Variants in ZBBX observed in about 807,000 individuals in gnomAD.
ZBBX encodes the protein zinc finger B-box domain containing, also known as zinc finger B-box domain-containing protein 1.
A neutral mutation model predicts 108.5 loss-of-function variants in ZBBX; 101 were observed. The observed-to-expected ratio is 0.93, with a 90% CI of 0.79 to 1.10. The LOEUF (loss-of-function observed/expected upper bound fraction) is 1.10, where lower values mean the gene tolerates loss of function less well. ZBBX is among the 50% of genes least tolerant of loss of function. The pLI, the probability that ZBBX is intolerant of heterozygous loss-of-function variation, is 0.00. For synonymous variants in ZBBX, 356 were observed against 323.4 expected (o/e 1.10, Z -1.08); for missense variants, 1,009 against 941.4 (o/e 1.07, Z -0.94).
chr3:167,269,426 T>C (rs1412408826), intron 20 of ZBBX, among the ~76,000 whole-genome samples: 1 of 152,208 alleles, frequency 6.6e-6, no homozygotes, highest in Non-Finnish European at 1.5e-5. Flanking sequence ...AATGTTGAAG[T>C]TAGGCATAGT....
At chr3:167,270,544 G>T (rs1726338457) in intron 20 of ZBBX, among the ~76,000 whole-genome samples, 1 of 152,122 alleles carries the variant, frequency 6.6e-6, no homozygotes, top group South Asian at 2.1e-4. Flanking sequence ...GTGGCTATAG[G>T]AGTGCTTACC....
At chr3:167,262,979 T>G (rs556605107) in intron 20 of ZBBX, among the ~76,000 whole-genome samples, 1 of 152,126 alleles carries the variant, frequency 6.6e-6, no homozygotes, top group Admixed American at 6.5e-5. Context: ...TTCTGATCAT[T>G]AGTATTTCTT....
intron 14 of ZBBX, 28 bp downstream of exon 14, chr3:167,316,977 A>G: frequency 7.4e-7 from 1 of 1,348,278 alleles, no homozygotes. Context: ...AAAAATCATG[A>G]ATGGTCATTA....
intron 16 of ZBBX, among the ~76,000 whole-genome samples, chr3:167,313,426 C>A (rs576751128): frequency 1.3e-5 from 2 of 152,076 alleles, no homozygotes; most frequent in Non-Finnish European, 2.9e-5. Context: ...TAGGCACCTG[C>A]CACCATGCCA....
intron 13 of ZBBX, 142 bp from the exon 14 acceptor site, chr3:167,317,247 C>G (rs983913687): frequency 6.0e-5 from 40 of 663,210 alleles, no homozygotes; most frequent in Non-Finnish European, 9.5e-5. Context: ...TTTCCCAGTT[C>G]AAGTGAAATA....
upstream of ZBBX, among the ~76,000 whole-genome samples, chr3:167,381,551 C>A (rs1201413930): frequency 6.6e-6 from 1 of 152,108 alleles, no homozygotes; most frequent in Non-Finnish European, 1.5e-5. Flanking sequence ...ATAACTTTAC[C>A]ACGTCCTTCC....
the ZBBX span, among the ~76,000 whole-genome samples, chr3:167,227,038 C>T: frequency 6.6e-6 from 1 of 151,734 alleles, no homozygotes; most frequent in Non-Finnish European, 1.5e-5. Context: ...ACAATTTTAA[C>T]ATCACCCAGT....
intron 1 of ZBBX, among the ~76,000 whole-genome samples, chr3:167,394,396 A>G (rs916924530): frequency 2.0e-5 from 3 of 152,106 alleles, no homozygotes; most frequent in East Asian, 1.9e-4. Flanking sequence ...TGTATCAAGT[A>G]GAAGCCACAT....
the ZBBX span, among the ~76,000 whole-genome samples, chr3:167,220,337 C>A: frequency 0.31 from 47,063 of 151,756 alleles, 7,709 homozygotes; most frequent in East Asian, 0.65. Flanking sequence ...AAATCCTCAA[C>A]AAAATACTAA....
intron 20 of ZBBX, among the ~76,000 whole-genome samples, chr3:167,263,035 C>CTTTTTTTTTTTT (rs59613369): frequency 2.4e-5 from 2 of 84,894 alleles, no homozygotes. Flanking sequence ...TTTTCTAGTT[C>CTTTTTTTTTTTT]TTTTTTTTTT....
intron 17 of ZBBX, among the ~76,000 whole-genome samples, chr3:167,301,325 T>A (rs1252309564): frequency 6.6e-6 from 1 of 152,148 alleles, no homozygotes; most frequent in Non-Finnish European, 1.5e-5. Flanking sequence ...GGGATGCAAA[T>A]CATCAGACTA....
chr3:167,330,862 GAGGAGGAGGAGAAGAAGA>G (rs1738364476), intron 10 of ZBBX, among the ~76,000 whole-genome samples: 1 of 13,562 alleles, frequency 7.4e-5, no homozygotes, highest in African/African-American at 3.0e-4. Context: ...GGAGGAGGAG[GAGGAGGAGGAGAAGAAGA>G]AGAAGAAGAA....
At chr3:167,298,277 G>C (rs1385669737) in intron 18 of ZBBX, 28 bp downstream of exon 18, 1 of 1,564,598 alleles carries the variant, frequency 6.4e-7, no homozygotes, top group Non-Finnish European at 8.7e-7. Flanking sequence ...AGAACAGACT[G>C]TTTTAGAAAA....
rs141754162 is a variant in ZBBX at position 167,297,836 on chromosome 3, A to G, written c.1879+469T>C. On this transcript the variant is annotated intron_variant, in intron 18 of 21. Coordinates refer to ENST00000675490, the MANE Select transcript of ZBBX (RefSeq NM_001199201.2). ...ATGCAAATCTAAGCTACAATATTGT[A>G]CCACCTCAGACCCATGAGGATGACT... Among the ~76,000 whole-genome samples, 8 of 152,110 alleles carry G rather than the reference A, an allele frequency of 5.3e-5. No individual in the cohort carries two copies. In the East Asian group the frequency reaches 1.4e-3, roughly 26 times the overall value.
At chr3:167,312,007 T>C (rs1350096078) in intron 16 of ZBBX, among the ~76,000 whole-genome samples, 2 of 152,206 alleles carry the variant, frequency 1.3e-5, no homozygotes, top group Admixed American at 6.5e-5. Flanking sequence ...GTTTTGTTCA[T>C]AATTGCTAAA....
intron 20 of ZBBX, 96 bp downstream of exon 20, chr3:167,282,142 G>T (rs1728912677): frequency 9.2e-6 from 12 of 1,309,074 alleles, no homozygotes; most frequent in African/African-American, 1.5e-5. Context: ...AAGCTTTCTT[G>T]TTTGCTGGCT....
chr3:167,238,118 T>C (rs954265858), downstream of ZBBX, among the ~76,000 whole-genome samples: 6 of 151,980 alleles, frequency 3.9e-5, no homozygotes, highest in Non-Finnish European at 1.5e-5. Flanking sequence ...TGAGCAGATA[T>C]GCTAAAATAT....
intron 1 of ZBBX, among the ~76,000 whole-genome samples, chr3:167,405,455 C>T (rs547795632): frequency 2.1e-4 from 32 of 152,046 alleles, no homozygotes; most frequent in Admixed American, 9.2e-4. Flanking sequence ...AATGTCGAAG[C>T]GAGATAAGTG....
chr3:167,283,985 T>C (rs890844833), intron 19 of ZBBX, among the ~76,000 whole-genome samples: 6 of 152,128 alleles, frequency 3.9e-5, no homozygotes, highest in Non-Finnish European at 7.4e-5. Context: ...ATACAGTATG[T>C]AATTATTTAA....
Sources: gnomAD v4.1 joint callset for allele counts (sites outside exome capture counted in the v4.1 genomes callset) on GRCh38, gnomAD v4.1.1 for gene constraint, MANE v1.5 for transcripts, NCBI Gene and HGNC (gene_info 2026-07-23, HGNC 2026-07-21) for gene names.